RBX1: variants seen among roughly 807,000 people sequenced by gnomAD.
RBX1 encodes the protein ring-box 1.
For synonymous variants in RBX1, 48 were observed against 47.9 expected, an observed-to-expected ratio of 1.00 and a Z score of -0.01; for missense variants, 46 against 141.4, an observed-to-expected ratio of 0.33 and a Z score of 3.42.
At position 40,972,769 on chromosome 22, in the gene RBX1, G is replaced by A. The variant is rs749770872; in HGVS notation, c.*281G>A. 14 of 386,376 alleles carry A rather than the reference G, an allele frequency of 3.6e-5. No individual in the cohort carries two copies. Among genetic ancestry groups the A allele is most frequent in the Non-Finnish European group, 5.8e-5 (12 of 205,750 alleles). 23.9% of individuals were successfully genotyped at this position (386,376 alleles called of 1,614,324 possible). A position where few individuals can be genotyped will look rare whatever the true frequency, so the allele number is the denominator to read the frequency against. ...TGAAAGTGAAATGTTTGTTCATCGG[G>A]GCCAGAGCAGGGTTGTCCTCTGAGC... On this transcript the variant is annotated 3_prime_UTR_variant, in exon 5 of 5. Coordinates refer to ENST00000216225, the MANE Select transcript of RBX1 (RefSeq NM_014248.4).
rs750108952 is a variant in RBX1, at chr22:40,951,470, G to A, written c.72G>A (p.Val24=). 2.2e-5 allele frequency: 35 copies of A among 1,613,218 alleles called. No individual in the cohort carries two copies. Among genetic ancestry groups the A allele is most frequent in the Non-Finnish European group, 3.0e-5 (35 of 1,179,698 alleles). Residue 24 remains valine, a synonymous_variant, in exon 1 of 5, where the codon GTG becomes GTA. Transcript: ENST00000216225. ...GCGCGGGCAAGAAGCGCTTTGAAGTGAAAAAGGTTGGGTCTCGCCAGCGCC... is the reference window on the plus strand; with the variant it reads ...GCGCGGGCAAGAAGCGCTTTGAAGTAAAAAAGGTTGGGTCTCGCCAGCGCC... The part of the protein sequence containing the change: ...NSGAGKKRFE[V]KKWNAVALWA...
chr22:40,956,783 C>T (rs1369501121), intron 2 of RBX1, among the ~76,000 whole-genome samples: 1 of 151,748 alleles, frequency 6.6e-6, no homozygotes, highest in African/African-American at 2.4e-5. Context: ...CACCTGTAAT[C>T]CCAGCACTTT....
intron 1 of RBX1, among the ~76,000 whole-genome samples, chr22:40,952,693 C>T (rs955688625): frequency 1.0e-5 from 1 of 99,002 alleles, no homozygotes; most frequent in South Asian, 4.4e-4. Flanking sequence ...TTGAGAACAT[C>T]AGTTTATTTT....
chr22:40,968,107 T>TTTG (rs2058359018), intron 4 of RBX1, among the ~76,000 whole-genome samples: 3 of 148,140 alleles, frequency 2.0e-5, no homozygotes, highest in African/African-American at 7.7e-5. Context: ...TTTTTTTTTT[T>TTTG]TGAGACGGAG....
At chr22:40,958,431 T>G (rs2058331398) in intron 2 of RBX1, among the ~76,000 whole-genome samples, 1 of 152,222 alleles carries the variant, frequency 6.6e-6, no homozygotes, top group Non-Finnish European at 1.5e-5. Flanking sequence ...TAGCAACGGT[T>G]GTATTTTAAT....
intron 4 of RBX1, 59 bp from the exon 5 acceptor site, chr22:40,972,417 T>C: frequency 7.0e-7 from 1 of 1,429,204 alleles, no homozygotes. Flanking sequence ...AAGCAGGTTT[T>C]ATGTCTCAAA....
chr22:40,953,512 T>C (rs1168953782), intron 1 of RBX1, 43 bp from the exon 2 acceptor site: 2 of 1,257,764 alleles, frequency 1.6e-6, no homozygotes, highest in East Asian at 4.7e-5. Context: ...TATGTGTGTG[T>C]GTTACAAGCA....
chr22:40,967,703 A>C lies in RBX1; in HGVS notation c.229-96A>C, dbSNP rs1176548608. 7 of 873,580 alleles carry C rather than the reference A, an allele frequency of 8.0e-6. No homozygotes were observed. In the South Asian group the frequency reaches 1.1e-4, roughly 14 times the overall value. The allele number at this position is 873,580 out of a possible 1,614,324, so 54.1% of individuals were successfully genotyped here. On this transcript the variant is annotated intron_variant, in intron 3 of 4. Transcript: ENST00000216225. The stretch of plus-strand genomic sequence containing the variant: ...GTCTTCTTTTCTTTTCTTGCCCACT[A>C]TATGTCACCCATGCCACTACCCTGT...
At chr22:40,961,752 G>A (rs184478752) in intron 2 of RBX1, among the ~76,000 whole-genome samples, 17 of 151,912 alleles carry the variant, frequency 1.1e-4, no homozygotes, top group African/African-American at 4.1e-4. Flanking sequence ...TCTGTAGTGT[G>A]AATCTGGCTA....
At chr22:40,962,556 C>T (rs1391921119) in intron 2 of RBX1, among the ~76,000 whole-genome samples, 13 of 141,956 alleles carry the variant, frequency 9.2e-5, no homozygotes, top group African/African-American at 2.1e-4. Flanking sequence ...AGTGCAGTGG[C>T]GCAGTCTTGG....
At chr22:40,955,369 G>A (rs374264335) in intron 2 of RBX1, among the ~76,000 whole-genome samples, 49 of 150,724 alleles carry the variant, frequency 3.3e-4, no homozygotes, top group Non-Finnish European at 5.0e-4. Flanking sequence ...AAAATGTTGC[G>A]ATTATAGGCG....
Position 40,967,834 on chromosome 22 carries a change from C to G in RBX1, c.264C>G (p.Leu88=), listed in dbSNP as rs1397998246. The change falls in exon 4 of 5, where the codon CTC becomes CTG. Residue 88 remains leucine (L), a synonymous_variant. Transcript: ENST00000216225. ...ACTTCCACTGCATCTCTCGCTGGCT[C>G]AAAACACGACAGGTGTGTCCATTGG... ...AFHFHCISRW[L]KTRQVCPLDN... is the part of the protein sequence containing the mutation. The G allele has an allele frequency of 4.3e-6, 7 of 1,613,918 alleles. No homozygotes were observed. In the South Asian group the frequency reaches 6.6e-5, roughly 15 times the overall value.
At chr22:40,954,705 C>T (rs2058320388) in intron 2 of RBX1, among the ~76,000 whole-genome samples, 1 of 151,582 alleles carries the variant, frequency 6.6e-6, no homozygotes, top group Non-Finnish European at 1.5e-5. Flanking sequence ...TCTTGAGTCA[C>T]TCCTGCTCAC....
chr22:40,959,033 CTT>C (rs965625431), intron 2 of RBX1, among the ~76,000 whole-genome samples: 3 of 152,148 alleles, frequency 2.0e-5, no homozygotes, highest in Admixed American at 2.0e-4. Context: ...AGTCTGGTCT[CTT>C]TAACTCCTGA....
chr22:40,963,620 G>A (rs2058346721), intron 2 of RBX1, among the ~76,000 whole-genome samples: 1 of 152,130 alleles, frequency 6.6e-6, no homozygotes, highest in South Asian at 2.1e-4. Flanking sequence ...TGGGCAACAA[G>A]AGGGAAACTC....
chr22:40,952,530 G>A (rs1188861487), intron 1 of RBX1, among the ~76,000 whole-genome samples: 2 of 152,126 alleles, frequency 1.3e-5, no homozygotes, highest in Non-Finnish European at 2.9e-5. Context: ...TGTGAAAAGT[G>A]GTAAAGAAGT....
chr22:40,953,232 G>T (rs1182271293), intron 1 of RBX1, among the ~76,000 whole-genome samples: 1 of 151,898 alleles, frequency 6.6e-6, no homozygotes, highest in Admixed American at 6.6e-5. Flanking sequence ...CTCAGTGATC[G>T]GCCCGCCTCG....
At position 40,955,735 on chromosome 22, in the gene RBX1, G is replaced by A. The variant is rs954613354; in HGVS notation, c.157+2102G>A. ...CAGATGTTTTCAACTTGAAAAGCAC[G>A]AATCAAATATTTTCTGTTGGAAAGC... On this transcript the variant is annotated intron_variant, in intron 2 of 4. Transcript: ENST00000216225. Among the ~76,000 whole-genome samples, 14 of 152,272 alleles carry A rather than the reference G, an allele frequency of 9.2e-5. No individual in the cohort carries two copies. The South Asian group carries it at 1.2e-3, about 14-fold the overall frequency.
At chr22:40,958,646 T>C (rs2058331838) in intron 2 of RBX1, among the ~76,000 whole-genome samples, 1 of 152,176 alleles carries the variant, frequency 6.6e-6, no homozygotes, top group Non-Finnish European at 1.5e-5. Flanking sequence ...AAATCAAATA[T>C]GTGAGGTTTT....
Sources: allele counts gnomAD v4.1 joint callset (sites outside exome capture counted in the v4.1 genomes callset), GRCh38; gene constraint gnomAD v4.1.1; transcripts MANE v1.5; gene names NCBI Gene and HGNC (gene_info 2026-07-23, HGNC 2026-07-21).